PSD3: variants seen among roughly 807,000 people sequenced by gnomAD.
The protein encoded by PSD3 is PH and SEC7 domain-containing protein 3.
PSD3 carries 49 observed loss-of-function variants against 105.5 expected under a neutral mutation model. That is an observed-to-expected ratio of 0.46 (90% CI 0.37 to 0.59). PSD3 has a LOEUF of 0.59. Among genes scored for constraint, PSD3 ranks in the 20% least tolerant of loss-of-function variants. PSD3 has a pLI of 0.00. For synonymous variants in PSD3, 557 were observed against 457.8 expected (o/e 1.22, Z -2.77); for missense variants, 1,561 against 1,263.8 (o/e 1.24, Z -3.57).
At chr8:18,557,872 T>C (rs1401076003) in intron 14 of PSD3, among the ~76,000 whole-genome samples, 2 of 152,206 alleles carry the variant, frequency 1.3e-5, no homozygotes, top group Admixed American at 6.5e-5. Flanking sequence ...ATGTTATGGA[T>C]TGAATGTGTC....
chr8:18,934,685 A>G (rs996703630), intron 2 of PSD3, among the ~76,000 whole-genome samples: 1 of 152,216 alleles, frequency 6.6e-6, no homozygotes, highest in Non-Finnish European at 1.5e-5. Flanking sequence ...CCCATTTTAC[A>G]GATGAGAAAA....
In PSD3 at chr8:18,825,240, T is replaced by G. The variant is rs191463759; in HGVS notation, c.1635-20342A>C. Among the ~76,000 whole-genome samples the G allele has an allele frequency of 1.1e-3, 161 of 152,236 alleles. 1 individual carries two copies. The highest frequency in any genetic ancestry group is 3.4e-3 in the African/African-American group (143 of 41,528). On this transcript the variant is annotated intron_variant, in intron 4 of 15. Transcript: ENST00000327040. ...TTATATTTCAAAAGGCATCCTAAGT[T>G]CTAAACAAATTTAGAAAACTACTGC...
At chr8:19,055,165 A>G (rs1053394639) in intron 1 of PSD3, among the ~76,000 whole-genome samples, 2 of 152,240 alleles carry the variant, frequency 1.3e-5, no homozygotes, top group African/African-American at 2.4e-5. Context: ...CTATGTTGCC[A>G]TAGAATAGTC....
chr8:18,558,135 T>C (rs774901984), intron 14 of PSD3, among the ~76,000 whole-genome samples: 3 of 152,172 alleles, frequency 2.0e-5, no homozygotes, highest in South Asian at 4.1e-4. Flanking sequence ...TGTGAGAAAA[T>C]AGATGTCTGC....
rs558366295 is a variant in PSD3 at position 18,902,391 on chromosome 8, T to C, written c.131-29658A>G. ...CTGAATTTCTCATTCACATGGTGAA[T>C]TGTTTTCCTGACTTCATTAAATTGT... On this transcript the variant is annotated intron_variant, in intron 2 of 15. Coordinates refer to ENST00000327040, the MANE Select transcript of PSD3 (RefSeq NM_015310.4). Among the ~76,000 whole-genome samples, 3 of 152,356 alleles carry C rather than the reference T, an allele frequency of 2.0e-5. 1 individual carries two copies. Among genetic ancestry groups the C allele is most frequent in the Admixed American group, 6.5e-5 (1 of 15,300 alleles).
At chr8:18,732,216 A>G (rs1803808525) in intron 9 of PSD3, among the ~76,000 whole-genome samples, 1 of 152,170 alleles carries the variant, frequency 6.6e-6, no homozygotes, top group South Asian at 2.1e-4. Flanking sequence ...AGAAATAGCG[A>G]CTGAAGAATG....
chr8:18,557,278 A>C (rs1801138721), intron 14 of PSD3, among the ~76,000 whole-genome samples: 1 of 152,248 alleles, frequency 6.6e-6, no homozygotes, highest in Admixed American at 6.5e-5. Flanking sequence ...TGACTAAATT[A>C]GGTGATAAAT....
At chr8:18,550,659 A>G (rs2130081024) in intron 15 of PSD3, among the ~76,000 whole-genome samples, 1 of 152,336 alleles carries the variant, frequency 6.6e-6, no homozygotes, top group Non-Finnish European at 1.5e-5. Flanking sequence ...CTGTTTTATA[A>G]TAAAATATTG....
chr8:18,564,732 G>T (rs746426553), intron 14 of PSD3, among the ~76,000 whole-genome samples: 2 of 151,822 alleles, frequency 1.3e-5, no homozygotes, highest in Non-Finnish European at 2.9e-5. Context: ...GCAACTACAA[G>T]AATGACCTCC....
In PSD3 at chr8:18,655,692, A is replaced by T. The variant is rs974741406; in HGVS notation, c.2173-7T>A. The T allele has an allele frequency of 4.0e-5, 65 of 1,612,616 alleles. No individual in the cohort carries two copies. Among genetic ancestry groups the T allele is most frequent in the Non-Finnish European group, 5.3e-5 (62 of 1,178,840 alleles). On this transcript the variant is annotated splice_polypyrimidine_tract_variant and splice_region_variant and intron_variant, in intron 9 of 15. Transcript: ENST00000327040. ...TGATTGAGTTGTACAGAGCCTGTAA[A>T]GAGAGAAAATGAGATCACATTATTC...
chr8:18,573,899 A>C (rs1173931401), intron 13 of PSD3, among the ~76,000 whole-genome samples: 1 of 152,186 alleles, frequency 6.6e-6, no homozygotes, highest in African/African-American at 2.4e-5. Context: ...ATGCTAAAAA[A>C]ATCACTGAAA....
chr8:18,787,280 T>C (rs1348759274), intron 8 of PSD3, among the ~76,000 whole-genome samples: 1 of 152,214 alleles, frequency 6.6e-6, no homozygotes, highest in Non-Finnish European at 1.5e-5. Flanking sequence ...TACTTTTTCA[T>C]ATTTTAAATT....
intron 9 of PSD3, among the ~76,000 whole-genome samples, chr8:18,685,699 T>G (rs1198442742): frequency 6.6e-6 from 1 of 152,030 alleles, no homozygotes; most frequent in African/African-American, 2.4e-5. Flanking sequence ...ACATAAAAAG[T>G]GGTGTACTAT....
chr8:18,543,850 C>T (rs1166934871), intron 15 of PSD3, among the ~76,000 whole-genome samples: 2 of 152,044 alleles, frequency 1.3e-5, no homozygotes, highest in Non-Finnish European at 2.9e-5. Flanking sequence ...ATGGATCTCA[C>T]TGAACAGTTT....
intron 9 of PSD3, among the ~76,000 whole-genome samples, chr8:18,679,451 C>G (rs566006780): frequency 6.6e-6 from 1 of 152,176 alleles, no homozygotes; most frequent in Non-Finnish European, 1.5e-5. Flanking sequence ...TCCTTTAACA[C>G]GTTTATGGTT....
At chr8:18,668,330 A>C (rs950260771) in intron 9 of PSD3, among the ~76,000 whole-genome samples, 2 of 152,326 alleles carry the variant, frequency 1.3e-5, no homozygotes, top group East Asian at 3.9e-4. Flanking sequence ...TTTATAGACA[A>C]ACTTCTGAAT....
At chr8:18,565,832 T>A (rs142483328) in intron 14 of PSD3, among the ~76,000 whole-genome samples, 1 of 152,028 alleles carries the variant, frequency 6.6e-6, no homozygotes, top group Non-Finnish European at 1.5e-5. Flanking sequence ...CAGAAGATAT[T>A]TGGCAATGTC....
intron 11 of PSD3, among the ~76,000 whole-genome samples, chr8:18,628,693 G>A (rs1372429388): frequency 1.3e-5 from 2 of 151,874 alleles, no homozygotes; most frequent in East Asian, 1.9e-4. Flanking sequence ...AAGAGATAAG[G>A]GGAATTAACT....
At chr8:18,902,775 TCAATGTCAG>T (rs1420088172) in intron 2 of PSD3, among the ~76,000 whole-genome samples, 15 of 152,318 alleles carry the variant, frequency 9.8e-5, no homozygotes, top group African/African-American at 3.6e-4. Flanking sequence ...TCATCTGCAT[TCAATGTCAG>T]CAATAACTGT....
Sources: allele counts gnomAD v4.1 joint callset (sites outside exome capture counted in the v4.1 genomes callset), GRCh38; gene constraint gnomAD v4.1.1; transcripts MANE v1.5; gene names NCBI Gene and HGNC (gene_info 2026-07-23, HGNC 2026-07-21).